ALG12: variants seen among roughly 807,000 people sequenced by gnomAD.
The protein encoded by ALG12 is dol-P-Man:Man(7)GlcNAc(2)-PP-Dol alpha-1,6-mannosyltransferase.
Under a neutral mutation model 46.0 loss-of-function variants are expected in ALG12, and 36 were observed. The ratio of observed to expected loss-of-function variants is 0.78; its 90% CI spans 0.60 to 1.03. ALG12 has a LOEUF of 1.03. Ranked by LOEUF, ALG12 falls within the 50% of genes least tolerant of loss-of-function variation. The probability of loss-of-function intolerance (pLI) is 0.00; values close to 1 mark genes in which losing one functional copy is unlikely to be tolerated. For synonymous variants in ALG12, 326 were observed against 291.6 expected, an observed-to-expected ratio of 1.12 and a Z score of -1.20; for missense variants, 599 against 633.5, an observed-to-expected ratio of 0.95 and a Z score of 0.58.
chr22:49,870,405 G>A, the ALG12 span, among the ~76,000 whole-genome samples: 1 of 152,208 alleles, frequency 6.6e-6, no homozygotes, highest in South Asian at 2.1e-4. Flanking sequence ...ACTCCACACT[G>A]CTCTCCGCAG....
the ALG12 span, among the ~76,000 whole-genome samples, chr22:49,875,824 C>T: frequency 1.1e-4 from 17 of 152,274 alleles, no homozygotes; most frequent in South Asian, 3.5e-3. Context: ...CTCCCTCTCT[C>T]ATTCCTGGTA....
Position 49,913,828 on chromosome 22 carries a change from T to C in ALG12, c.-63A>G. The stretch of plus-strand genomic sequence containing the variant: ...AGTGCGAGACACCAGCCGTTAGCAC[T>C]GCCACTCCACGCATGCTGGAAAAGT... On this transcript the variant is annotated 5_prime_UTR_variant, in exon 2 of 10. Coordinates refer to ENST00000330817, the MANE Select transcript of ALG12 (RefSeq NM_024105.4). 2 of 1,600,186 alleles carry C rather than the reference T, an allele frequency of 1.2e-6. No individual in the cohort carries two copies. Among genetic ancestry groups the C allele is most frequent in the South Asian group, 2.2e-5 (2 of 90,446 alleles).
the ALG12 span, among the ~76,000 whole-genome samples, chr22:49,869,234 A>G: frequency 1.3e-5 from 2 of 152,028 alleles, no homozygotes; most frequent in East Asian, 3.9e-4. Context: ...GCTTTGATTC[A>G]CGTACACACA....
chr22:49,916,825 G>A (rs929079323), intron 1 of ALG12, among the ~76,000 whole-genome samples: 1 of 152,222 alleles, frequency 6.6e-6, no homozygotes, highest in South Asian at 2.1e-4. Flanking sequence ...GAGCATCTAC[G>A]TGCCAAGATG....
At chr22:49,877,859 T>C in the ALG12 span, among the ~76,000 whole-genome samples, 1 of 152,206 alleles carries the variant, frequency 6.6e-6, no homozygotes, top group Admixed American at 6.5e-5. Flanking sequence ...CCTCCCGCAC[T>C]CTGCAGGATT....
the ALG12 span, among the ~76,000 whole-genome samples, chr22:49,880,442 C>T: frequency 6.6e-6 from 1 of 152,248 alleles, no homozygotes; most frequent in African/African-American, 2.4e-5. Context: ...CTGCCAAGTT[C>T]CGACTCCCCG....
chr22:49,876,572 G>A, the ALG12 span, among the ~76,000 whole-genome samples: 14 of 151,790 alleles, frequency 9.2e-5, no homozygotes, highest in African/African-American at 2.9e-4. Context: ...TATTAATGTC[G>A]CCACTCCAGC....
rs1478803940 is a variant in ALG12 at position 49,903,092 on chromosome 22, G to GC, written c.*745dup. On this transcript the variant is annotated 3_prime_UTR_variant, in exon 10 of 10. Transcript: ENST00000330817. ...ACACGCACTTTGGTGCTTTATAAAT[G>GC]CATGGTCAGTGAGGCTGACAGCACC... The GC allele has an allele frequency of 5.7e-6, 2 of 351,418 alleles. No homozygotes were observed. Among genetic ancestry groups the GC allele is most frequent in the Admixed American group, 8.2e-5 (2 of 24,434 alleles). The allele number at this position is 351,418 out of a possible 1,614,324, so 21.8% of individuals were successfully genotyped here. A position where few individuals can be genotyped will look rare whatever the true frequency, so the allele number is the denominator to read the frequency against.
chr22:49,884,879 G>C, the ALG12 span: 1 of 1,605,332 alleles, frequency 6.2e-7, no homozygotes, highest in Non-Finnish European at 8.5e-7. Flanking sequence ...CCTGGAGATG[G>C]GCTGATGGAA....
chr22:49,859,947 A>T, the ALG12 span, among the ~76,000 whole-genome samples: 1 of 147,142 alleles, frequency 6.8e-6, no homozygotes, highest in African/African-American at 2.6e-5. Context: ...GGATCACTTG[A>T]GCTCAGGAGT....
downstream of ALG12, among the ~76,000 whole-genome samples, chr22:49,897,126 C>CTTAG (rs58654660): frequency 0.36 from 54,440 of 152,016 alleles, 13,909 homozygotes; most frequent in African/African-American, 0.73. Flanking sequence ...GCTTCATTCA[C>CTTAG]TAATATGCAT....
At chr22:49,896,277 C>T (rs7410534), downstream of ALG12, among the ~76,000 whole-genome samples, 12,426 of 152,330 alleles carry the variant, frequency 0.082, 599 homozygotes, top group South Asian at 0.18. Context: ...GGCTAAATCT[C>T]TCCCCGTGAG....
At chr22:49,899,334 C>T (rs1284334228), downstream of ALG12, among the ~76,000 whole-genome samples, 3 of 151,884 alleles carry the variant, frequency 2.0e-5, no homozygotes, top group Admixed American at 1.3e-4. Flanking sequence ...AAAAATTAGC[C>T]GGGCATGGTG....
chr22:49,913,613 G>GGCCC lies in ALG12; in HGVS notation c.152_153insGGGC (p.Asp51GlufsTer10). On this transcript the variant is annotated frameshift_variant, in exon 2 of 10. Coordinates refer to ENST00000330817, the MANE Select transcript of ALG12 (RefSeq NM_024105.4). LOFTEE classifies it high-confidence loss of function. ...AGCAGGGGCCCCTCACCTGCTCCAG[G>GGCCC]TCTTGCCAGTGGTAGAGCAGGTCAT... 6.2e-7 allele frequency: 1 copy of GGCCC among 1,614,116 alleles called. No homozygotes were observed. The highest frequency in any genetic ancestry group is 8.5e-7 in the Non-Finnish European group (1 of 1,180,024).
the ALG12 span, chr22:49,883,769 G>A: frequency 1.2e-6 from 2 of 1,613,282 alleles, no homozygotes; most frequent in Admixed American, 1.7e-5. Context: ...CCTCCTGATA[G>A]TTTGGAAAGA....
chr22:49,884,197 G>A, the ALG12 span: 116 of 1,607,628 alleles, frequency 7.2e-5, no homozygotes, highest in Middle Eastern at 8.3e-4. Context: ...TGTGTCTGCC[G>A]TGTCCTCGTT....
At chr22:49,912,117 C>CAGCCTCGGCCGCGGGATT in intron 3 of ALG12, among the ~76,000 whole-genome samples, 1 of 134,420 alleles carries the variant, frequency 7.4e-6, no homozygotes, top group African/African-American at 3.1e-5. Flanking sequence ...GCCCCGGGAT[C>CAGCCTCGGCCGCGGGATT]AGCCTGGCCC....
At chr22:49,872,997 A>T in the ALG12 span, among the ~76,000 whole-genome samples, 2 of 152,048 alleles carry the variant, frequency 1.3e-5, no homozygotes, top group South Asian at 4.1e-4. Context: ...CGCCCAGCCA[A>T]TGTTTTAATT....
the ALG12 span, among the ~76,000 whole-genome samples, chr22:49,881,322 G>C: frequency 3.1e-4 from 47 of 152,394 alleles, no homozygotes; most frequent in African/African-American, 1.1e-3. Context: ...GCACACTGCA[G>C]CCTGGGCGAC....
Sources: allele counts gnomAD v4.1 joint callset (sites outside exome capture counted in the v4.1 genomes callset), GRCh38; gene constraint gnomAD v4.1.1; transcripts MANE v1.5; gene names NCBI Gene and HGNC (gene_info 2026-07-23, HGNC 2026-07-21).